Variants in CCDC150 observed in about 807,000 individuals in gnomAD.
CCDC150 encodes coiled-coil domain-containing protein 150.
Under a neutral mutation model 156.5 loss-of-function variants are expected in CCDC150, and 151 were observed. The observed-to-expected ratio is 0.97, with a 90% CI of 0.85 to 1.10. The LOEUF (loss-of-function observed/expected upper bound fraction) is 1.10. CCDC150 is among the 50% of genes least tolerant of loss of function. CCDC150 has a pLI of 0.00. For synonymous variants in CCDC150, 452 were observed against 429.4 expected (o/e 1.05, Z -0.65); for missense variants, 1,312 against 1,268.1 (o/e 1.03, Z -0.53).
rs376232036 is a variant in CCDC150, at chr2:196,676,658, T to G, written c.1367T>G (p.Leu456Trp). The G allele has an allele frequency of 2.5e-6, 4 of 1,613,796 alleles. No homozygotes were observed. The highest frequency in any genetic ancestry group is 1.6e-4 in the Middle Eastern group (1 of 6,062). The change falls in exon 12 of 28, where the codon TTG becomes TGG. Residue 456 changes from leucine (L) to tryptophan (W), a missense_variant. Physicochemically the swap from Leu to Trp is moderately conservative, Grantham distance 61. Coordinates refer to ENST00000389175, the MANE Select transcript of CCDC150 (RefSeq NM_001080539.2). ...KELLESTIAR[L>W]RGELEASMQE... ...CTGCTAGAATCAACTATTGCAAGAT[T>G]GCGAGGTGAATTGGAAGCATCAATG...
At chr2:196,657,295 C>A in intron 4 of CCDC150, 159 bp downstream of exon 4, 1 of 655,874 alleles carries the variant, frequency 1.5e-6, no homozygotes, top group Non-Finnish European at 2.6e-6. Context: ...TGGCCTATGA[C>A]ATTTGCACTG....
intron 1 of CCDC150, among the ~76,000 whole-genome samples, chr2:196,641,277 G>A (rs968463497): frequency 1.3e-5 from 2 of 151,946 alleles, no homozygotes; most frequent in African/African-American, 2.4e-5. Flanking sequence ...GCGCCCAGCC[G>A]TATTCTGGTT....
intron 15 of CCDC150, among the ~76,000 whole-genome samples, chr2:196,703,551 G>A (rs1696384949): frequency 6.6e-6 from 1 of 152,110 alleles, no homozygotes; most frequent in African/African-American, 2.4e-5. Context: ...CTACATTACA[G>A]GCTGGGTATA....
chr2:196,723,578 G>A (rs775366143), intron 21 of CCDC150, among the ~76,000 whole-genome samples: 2 of 152,174 alleles, frequency 1.3e-5, no homozygotes, highest in Non-Finnish European at 2.9e-5. Flanking sequence ...AGAGAACCAA[G>A]GTCAGAACTT....
chr2:196,729,152 G>T, intron 22 of CCDC150, 41 bp from the exon 23 acceptor site: 1 of 1,523,036 alleles, frequency 6.6e-7, no homozygotes, highest in South Asian at 1.3e-5. Context: ...TTCTCTTAAT[G>T]GAAAGTAAAA....
intron 15 of CCDC150, among the ~76,000 whole-genome samples, chr2:196,711,205 A>G (rs1345694663): frequency 6.6e-6 from 1 of 152,218 alleles, no homozygotes; most frequent in Non-Finnish European, 1.5e-5. Flanking sequence ...AAATATAGCT[A>G]TGTGATCAGC....
At chr2:196,731,053 G>A in intron 26 of CCDC150, 108 bp downstream of exon 26, 1 of 724,592 alleles carries the variant, frequency 1.4e-6, no homozygotes, top group Non-Finnish European at 2.3e-6. Context: ...TGTCAGGAAT[G>A]CAACAGGGAA....
At chr2:196,690,394 A>T (rs1011191332) in intron 13 of CCDC150, among the ~76,000 whole-genome samples, 8 of 152,188 alleles carry the variant, frequency 5.3e-5, no homozygotes, top group Non-Finnish European at 1.2e-4. Context: ...ATAATAAAAT[A>T]AAAAACCTAC....
chr2:196,642,301 A>G (rs1004720573), intron 1 of CCDC150, among the ~76,000 whole-genome samples: 1 of 152,160 alleles, frequency 6.6e-6, no homozygotes, highest in African/African-American at 2.4e-5. Flanking sequence ...TTCTTAGACT[A>G]TGAGCCATAG....
intron 1 of CCDC150, among the ~76,000 whole-genome samples, chr2:196,645,261 A>T (rs1324467572): frequency 6.6e-6 from 1 of 152,144 alleles, no homozygotes. Context: ...GCTCCCTTAA[A>T]TCCTGCCACC....
chr2:196,720,619 A>C lies in CCDC150; in HGVS notation c.2210A>C (p.Asp737Ala), dbSNP rs757137965. The C allele has an allele frequency of 1.2e-6, 2 of 1,613,950 alleles. No individual in the cohort carries two copies. The highest frequency in any genetic ancestry group is 1.7e-6 in the Non-Finnish European group (2 of 1,179,860). Reference sequence around the variant, plus strand: ...GTGCAGAAGCTGGAAGCTGAAGTGGACCAGTGGCAGGCCAGGATGCTTGTC... The same window carrying C: ...GTGCAGAAGCTGGAAGCTGAAGTGGCCCAGTGGCAGGCCAGGATGCTTGTC... ...QRVQKLEAEV[D>A]QWQARMLVME... Residue 737 changes from aspartate (D) to alanine (A), a missense_variant, in exon 20 of 28, where the codon GAC becomes GCC. Transcript: ENST00000389175.
chr2:196,701,850 A>G (rs575029109), intron 15 of CCDC150, among the ~76,000 whole-genome samples: 10 of 152,234 alleles, frequency 6.6e-5, no homozygotes, highest in Non-Finnish European at 1.3e-4. Context: ...AAAGAATATT[A>G]ATGGTAGAAT....
At chr2:196,657,628 G>A (rs1225659793) in intron 4 of CCDC150, among the ~76,000 whole-genome samples, 1 of 152,174 alleles carries the variant, frequency 6.6e-6, no homozygotes, top group Non-Finnish European at 1.5e-5. Context: ...TTAGAAGCAA[G>A]GTGTAGGGGT....
chr2:196,668,411 G>A lies in CCDC150; in HGVS notation c.893-1422G>A, dbSNP rs553088462. Reference sequence around the variant, plus strand: ...AAACAGGTATCTATTATATTAGTTGGCCCTCTGAATTTTTATGTTACTTTC... The same window carrying A: ...AAACAGGTATCTATTATATTAGTTGACCCTCTGAATTTTTATGTTACTTTC... On this transcript the variant is annotated intron_variant, in intron 7 of 27. Transcript: ENST00000389175. Among the ~76,000 whole-genome samples the A allele has an allele frequency of 3.3e-5, 5 of 151,718 alleles. No homozygotes were observed. In the South Asian group the frequency reaches 1.0e-3, roughly 32 times the overall value.
At position 196,719,616 on chromosome 2, in the gene CCDC150, A is replaced by T; in HGVS notation, c.2115A>T (p.Gln705His). ...TGCAAGGTGCTCTGGAGAAAGTACA[A>T]ATAGAGCTTGGGCGGAGGGATTCAG... Reference protein sequence around the residue: ...SKMQGALEKVQIELGRRDSEI... With the variant: ...SKMQGALEKVHIELGRRDSEI... Residue 705 changes from glutamine to histidine, a missense_variant, in exon 19 of 28, where the codon CAA (glutamine) becomes CAT (histidine). Physicochemically the swap from Gln to His is conservative, Grantham distance 24 (BLOSUM62 0). Coordinates refer to ENST00000389175, the MANE Select transcript of CCDC150 (RefSeq NM_001080539.2). 1 of 1,613,296 alleles carries T rather than the reference A, an allele frequency of 6.2e-7. No individual in the cohort carries two copies.
At chr2:196,725,351 C>T (rs954784096) in intron 21 of CCDC150, among the ~76,000 whole-genome samples, 2 of 152,138 alleles carry the variant, frequency 1.3e-5, no homozygotes, top group African/African-American at 2.4e-5. Flanking sequence ...TCAGAAGCTA[C>T]GGACTCAGCT....
chr2:196,704,410 C>T (rs1273252604), intron 15 of CCDC150, among the ~76,000 whole-genome samples: 1 of 152,058 alleles, frequency 6.6e-6, no homozygotes, highest in Non-Finnish European at 1.5e-5. Flanking sequence ...GTACCTGTCT[C>T]CTTATATACA....
intron 25 of CCDC150, among the ~76,000 whole-genome samples, chr2:196,730,654 G>A (rs1362280847): frequency 6.6e-6 from 1 of 152,106 alleles, no homozygotes; most frequent in South Asian, 2.1e-4. Context: ...AAATCAAAAT[G>A]TGTAATCATA....
At chr2:196,715,100 G>T (rs916562496) in intron 17 of CCDC150, among the ~76,000 whole-genome samples, 4 of 152,050 alleles carry the variant, frequency 2.6e-5, no homozygotes, top group Admixed American at 1.3e-4. Context: ...CCTATGGAGG[G>T]CAATTTAGCA....
Sources: gnomAD v4.1 joint callset for allele counts (sites outside exome capture counted in the v4.1 genomes callset) on GRCh38, gnomAD v4.1.1 for gene constraint, MANE v1.5 for transcripts, NCBI Gene and HGNC (gene_info 2026-07-23, HGNC 2026-07-21) for gene names.